Variants in RPS6KA2 observed in about 807,000 individuals in gnomAD.
The protein encoded by RPS6KA2 is ribosomal protein S6 kinase alpha-2.
A neutral mutation model predicts 91.8 loss-of-function variants in RPS6KA2; 42 were observed. The ratio of observed to expected loss-of-function variants is 0.46; its 90% confidence interval spans 0.36 to 0.59. The LOEUF (loss-of-function observed/expected upper bound fraction) is 0.59. Ranked by LOEUF, RPS6KA2 falls within the 20% of genes least tolerant of loss-of-function variation. The pLI is 0.00. For synonymous variants in RPS6KA2, 414 were observed against 393.6 expected, an observed-to-expected ratio of 1.05 and a Z score of -0.61; for missense variants, 798 against 978.5, an observed-to-expected ratio of 0.82 and a Z score of 2.46.
chr6:166,674,474 G>A (rs529132982), intron 2 of RPS6KA2, among the ~76,000 whole-genome samples: 1 of 152,170 alleles, frequency 6.6e-6, no homozygotes, highest in Admixed American at 6.5e-5. Flanking sequence ...AGCAGGACAC[G>A]CAACCCAGCA....
At chr6:166,573,958 G>A (rs1429859816) in intron 1 of RPS6KA2, among the ~76,000 whole-genome samples, 16 of 152,028 alleles carry the variant, frequency 1.1e-4, no homozygotes, top group East Asian at 3.8e-4. Flanking sequence ...GAGCAGCCAC[G>A]CAGGATCTTT....
rs71032806 is a variant in RPS6KA2 at position 166,480,513 on chromosome 6, A to ATATATATATG, written c.907+8319_907+8320insCATATATATA. On this transcript the variant is annotated intron_variant, in intron 10 of 20. Coordinates refer to ENST00000265678, the MANE Select transcript of RPS6KA2 (RefSeq NM_021135.6). ...TATATATATATATATATATATATAT[A>ATATATATATG]TAATATATTTTTTTTTTTTGAGAGA... 3.1e-5 allele frequency among the ~76,000 whole-genome samples: 3 copies of ATATATATATG among 96,510 alleles called. No homozygotes were observed. In the Admixed American group the frequency reaches 3.2e-4, roughly 10 times the overall value. The allele number at this position is 96,510 out of a possible 152,430, so 63.3% of individuals were successfully genotyped here.
At chr6:166,503,325 T>C (rs918557139) in intron 6 of RPS6KA2, among the ~76,000 whole-genome samples, 8 of 152,268 alleles carry the variant, frequency 5.3e-5, no homozygotes, top group African/African-American at 1.9e-4. Context: ...CTGCAGTGGA[T>C]ATGGGATGTG....
intron 6 of RPS6KA2, among the ~76,000 whole-genome samples, chr6:166,504,174 C>A (rs192805125): frequency 1.3e-5 from 2 of 152,318 alleles, no homozygotes; most frequent in South Asian, 4.1e-4. Context: ...GGAGAGAGGG[C>A]GGGAATGTGG....
At chr6:166,844,504 T>C (rs1293134851) in intron 2 of RPS6KA2, among the ~76,000 whole-genome samples, 1 of 152,170 alleles carries the variant, frequency 6.6e-6, no homozygotes, top group Non-Finnish European at 1.5e-5. Context: ...GGAAAGAATC[T>C]TAAGAGCTAT....
At chr6:166,600,123 T>G (rs979554030) in intron 1 of RPS6KA2, among the ~76,000 whole-genome samples, 10 of 152,154 alleles carry the variant, frequency 6.6e-5, no homozygotes, top group Non-Finnish European at 1.0e-4. Flanking sequence ...TCCTCCTGCC[T>G]CAGCTTCCCA....
In RPS6KA2 at chr6:166,435,955, G is replaced by A. The variant is rs527544377; in HGVS notation, c.1333-3465C>T. On this transcript the variant is annotated intron_variant, in intron 14 of 20. Coordinates refer to ENST00000265678, the MANE Select transcript of RPS6KA2 (RefSeq NM_021135.6). This position sits in a 1 kb window ranked among gnomAD's most constrained non-coding sequence, Gnocchi z 4.3. ...GGCCTCCCTGTCCACTCCCTGTGGG[G>A]TTGCAGGAGCTCCCTGGGCCTCTCT... Among the ~76,000 whole-genome samples, 44 of 152,312 alleles carry A rather than the reference G, an allele frequency of 2.9e-4. No individual in the cohort carries two copies. The highest frequency in any genetic ancestry group is 3.1e-4 in the Non-Finnish European group (21 of 68,014).
chr6:166,686,906 T>C (rs1789035954), intron 2 of RPS6KA2, among the ~76,000 whole-genome samples: 1 of 152,096 alleles, frequency 6.6e-6, no homozygotes, highest in Non-Finnish European at 1.5e-5. Context: ...CACCCGAGGT[T>C]TGAAGGAGAA....
Position 166,448,791 on chromosome 6 carries a change from C to G in RPS6KA2, c.1265G>C (p.Gly422Ala). The G allele has an allele frequency of 6.2e-7, 1 of 1,613,866 alleles. No individual in the cohort carries two copies. Among genetic ancestry groups the G allele is most frequent in the Middle Eastern group, 1.7e-4 (1 of 6,060 alleles). The change falls in exon 14 of 21, where the codon GGG (glycine) becomes GCG (alanine). Residue 422 changes from glycine to alanine, a missense_variant. Gly to Ala is a moderately conservative substitution (Grantham distance 60). Transcript: ENST00000265678. The surrounding 1 kb of genome is among the most constrained non-coding windows in gnomAD (Gnocchi z 4.7). ...TDGYEIKEDI[G>A]VGSYSVCKRC... ...CTTGCACACTGAGTAGGAGCCCACCCCGATGTCCTCCTTGATCTCGTAGCC... is the reference window on the plus strand; with the variant it reads ...CTTGCACACTGAGTAGGAGCCCACCGCGATGTCCTCCTTGATCTCGTAGCC...
chr6:166,511,523 GAACA>G (rs1364091997), intron 3 of RPS6KA2, among the ~76,000 whole-genome samples: 3 of 152,184 alleles, frequency 2.0e-5, no homozygotes, highest in Non-Finnish European at 2.9e-5. Flanking sequence ...AGAAACAAAT[GAACA>G]AACAAAGAGC....
Position 166,435,460 on chromosome 6 carries a change from CG to C in RPS6KA2, c.1333-2971del, listed in dbSNP as rs1443333525. On this transcript the variant is annotated intron_variant, in intron 14 of 20. Transcript: ENST00000265678. The surrounding 1 kb of genome is among the most constrained non-coding windows in gnomAD (Gnocchi z 4.3). Reference sequence around the variant, plus strand: ...CATTACATTTTCAACATATTAGTTACGCCTTTCAAAATCATGTAATTGCTTG... The same window carrying C: ...CATTACATTTTCAACATATTAGTTACCCTTTCAAAATCATGTAATTGCTTG... 6.6e-6 allele frequency among the ~76,000 whole-genome samples: 1 copy of C among 152,220 alleles called. No individual in the cohort carries two copies. The highest frequency in any genetic ancestry group is 1.9e-4 in the East Asian group (1 of 5,204).
Position 166,412,820 on chromosome 6 carries a change from A to C in RPS6KA2, c.2144T>G (p.Leu715Arg). ...TPQAPRLEPV[L>R]SSNLAQRRGM... is the part of the protein sequence containing the mutation. ...TCTGCGCTGAGCCAGGTTGGATGAC[A>C]GCACGGGCTCCAGCCGCGGGGCCTG... is the stretch of plus-strand genomic sequence containing the variant. The change falls in exon 21 of 21, where the codon CTG becomes CGG. Residue 715 changes from leucine to arginine, a missense_variant. Transcript: ENST00000265678. This position sits in a 1 kb window ranked among gnomAD's most constrained non-coding sequence, Gnocchi z 4.3. 6.3e-7 allele frequency: 1 copy of C among 1,585,574 alleles called. No individual in the cohort carries two copies. Among genetic ancestry groups the C allele is most frequent in the South Asian group, 1.2e-5 (1 of 86,548 alleles).
upstream of RPS6KA2, chr6:166,627,875 G>C (rs1786954750): frequency 6.6e-6 from 1 of 152,268 alleles, no homozygotes. Flanking sequence ...AACCTCAGCG[G>C]CACAGCGAGC....
At chr6:166,658,277 T>G (rs1204196361) in intron 2 of RPS6KA2, among the ~76,000 whole-genome samples, 2 of 151,996 alleles carry the variant, frequency 1.3e-5, no homozygotes, top group Non-Finnish European at 2.9e-5. Context: ...GAGCCCAGGG[T>G]GCATCCGTGA....
chr6:166,467,212 T>C (rs1436344134), intron 11 of RPS6KA2, among the ~76,000 whole-genome samples: 1 of 120,030 alleles, frequency 8.3e-6, no homozygotes. Context: ...ATTCATTCAC[T>C]CCCTCACTCA....
intron 1 of RPS6KA2, among the ~76,000 whole-genome samples, chr6:166,561,661 T>C (rs1045228792): frequency 6.6e-6 from 1 of 152,040 alleles, no homozygotes; most frequent in Non-Finnish European, 1.5e-5. Context: ...GCTTTCAAGT[T>C]GTAGTCACAG....
rs541470539 is a variant in RPS6KA2, at chr6:166,627,177, G to C, written c.-158C>G. On this transcript the variant is annotated 5_prime_UTR_variant, in exon 1 of 21. Coordinates refer to ENST00000265678, the MANE Select transcript of RPS6KA2 (RefSeq NM_021135.6). Reference sequence around the variant, plus strand: ...GTGGGGCGCGAGCTGCGGTCACAAAGGGCAGGCCGCGCCGGCCACCGCGGC... The same window carrying C: ...GTGGGGCGCGAGCTGCGGTCACAAACGGCAGGCCGCGCCGGCCACCGCGGC... 10 of 1,074,804 alleles carry C rather than the reference G, an allele frequency of 9.3e-6. No individual in the cohort carries two copies. The African/African-American group carries it at 1.7e-4, about 18-fold the overall frequency. The allele number at this position is 1,074,804 out of a possible 1,614,324, so 66.6% of individuals were successfully genotyped here.
chr6:166,484,062 G>A (rs543333255), intron 10 of RPS6KA2, among the ~76,000 whole-genome samples: 14 of 152,348 alleles, frequency 9.2e-5, no homozygotes, highest in Admixed American at 7.8e-4. Flanking sequence ...GGGCCAAGGC[G>A]TGACATGCCC....
intron 1 of RPS6KA2, among the ~76,000 whole-genome samples, chr6:166,564,245 A>G (rs1784427311): frequency 6.6e-6 from 1 of 152,210 alleles, no homozygotes; most frequent in Admixed American, 6.5e-5. Flanking sequence ...CATTCGATCA[A>G]GAGTGCCCAG....
Sources: gnomAD v4.1 joint callset for allele counts (sites outside exome capture counted in the v4.1 genomes callset) on GRCh38, gnomAD v4.1.1 for gene constraint, Gnocchi (gnomAD v3.1) non-coding constraint, MANE v1.5 for transcripts, NCBI Gene and HGNC (gene_info 2026-07-23, HGNC 2026-07-21) for gene names.